The following EXOC4 variants were observed in gnomAD, a reference collection of about 807,000 sequenced individuals.
EXOC4 encodes the protein SEC8-like 1.
EXOC4 carries 71 observed loss-of-function variants against 107.2 expected under a neutral mutation model. That is an observed-to-expected ratio of 0.66 (90% CI 0.55 to 0.81). EXOC4 has a LOEUF of 0.81. Among genes scored for constraint, EXOC4 ranks in the 30% least tolerant of loss-of-function variants. EXOC4 has a pLI of 0.00. For synonymous variants in EXOC4, 456 were observed against 441.2 expected, an observed-to-expected ratio of 1.03 and a Z score of -0.42; for missense variants, 1,108 against 1,189.6, an observed-to-expected ratio of 0.93 and a Z score of 1.01.
intron 9 of EXOC4, among the ~76,000 whole-genome samples, chr7:133,507,258 A>G (rs1024884544): frequency 3.3e-5 from 5 of 152,132 alleles, no homozygotes; most frequent in Admixed American, 2.0e-4. Flanking sequence ...CTTATTTGGT[A>G]CTCTAAAAAA....
At chr7:134,080,410 TTTGTTGTTG>T in the EXOC4 span, among the ~76,000 whole-genome samples, 2 of 151,238 alleles carry the variant, frequency 1.3e-5, no homozygotes, top group African/African-American at 4.9e-5. Context: ...TATTAATAAG[TTTGTTGTTG>T]TTGTTGTTGT....
intron 14 of EXOC4, among the ~76,000 whole-genome samples, chr7:133,947,077 A>G (rs1013206707): frequency 1.3e-5 from 2 of 152,232 alleles, no homozygotes; most frequent in Non-Finnish European, 2.9e-5. Flanking sequence ...CCAGGGGGAA[A>G]CTATTTGGCC....
intron 9 of EXOC4, among the ~76,000 whole-genome samples, chr7:133,502,061 G>A (rs958603846): frequency 1.3e-5 from 2 of 152,072 alleles, no homozygotes; most frequent in African/African-American, 4.8e-5. Context: ...ATTAACACTC[G>A]AGGAAGCTTA....
intron 11 of EXOC4, among the ~76,000 whole-genome samples, chr7:133,858,006 T>C (rs930427066): frequency 5.3e-5 from 8 of 151,988 alleles, no homozygotes; most frequent in African/African-American, 2.4e-5. Flanking sequence ...AGGAGGGCTA[T>C]AGTGCTACAG....
intron 17 of EXOC4, among the ~76,000 whole-genome samples, chr7:134,023,033 T>C (rs1795062484): frequency 6.6e-6 from 1 of 152,212 alleles, no homozygotes; most frequent in South Asian, 2.1e-4. Flanking sequence ...TTTGAACTAT[T>C]ATTTATATTT....
chr7:134,074,526 T>G, the EXOC4 span, among the ~76,000 whole-genome samples: 1 of 152,228 alleles, frequency 6.6e-6, no homozygotes, highest in Non-Finnish European at 1.5e-5. Flanking sequence ...GGATAGAACC[T>G]GAGAGAGCTT....
intron 5 of EXOC4, among the ~76,000 whole-genome samples, chr7:133,326,661 C>G (rs1795249947): frequency 6.6e-6 from 1 of 152,194 alleles, no homozygotes; most frequent in Admixed American, 6.5e-5. Context: ...GGTCAGGGAC[C>G]CACTTGAGGG....
At chr7:134,081,136 G>T in the EXOC4 span, among the ~76,000 whole-genome samples, 2 of 151,964 alleles carry the variant, frequency 1.3e-5, no homozygotes, top group Non-Finnish European at 2.9e-5. Context: ...TGAGCTCAGG[G>T]GTTTGAGAGC....
At chr7:133,961,251 T>A (rs2116835716) in intron 14 of EXOC4, among the ~76,000 whole-genome samples, 1 of 151,810 alleles carries the variant, frequency 6.6e-6, no homozygotes, top group African/African-American at 2.4e-5. Context: ...CCTCTGACAC[T>A]TATTTAAACC....
intron 5 of EXOC4, among the ~76,000 whole-genome samples, chr7:133,345,791 T>G (rs1795771075): frequency 6.6e-6 from 1 of 152,226 alleles, no homozygotes; most frequent in African/African-American, 2.4e-5. Context: ...CCTCACTTCA[T>G]GGAAATGATA....
intron 10 of EXOC4, among the ~76,000 whole-genome samples, chr7:133,814,943 A>T (rs1423939759): frequency 6.6e-6 from 1 of 151,878 alleles, no homozygotes; most frequent in Admixed American, 6.6e-5. Context: ...TATTCATTTT[A>T]TGTTTTCATT....
At chr7:133,961,665 A>G (rs1379336925) in intron 14 of EXOC4, among the ~76,000 whole-genome samples, 3 of 152,204 alleles carry the variant, frequency 2.0e-5, no homozygotes, top group African/African-American at 7.2e-5. Context: ...GTACATGGTA[A>G]TGTCACAGCA....
At chr7:133,378,860 T>G (rs1361882215) in intron 7 of EXOC4, among the ~76,000 whole-genome samples, 1 of 151,964 alleles carries the variant, frequency 6.6e-6, no homozygotes, top group Non-Finnish European at 1.5e-5. Flanking sequence ...GATGATAGAC[T>G]TAGCACCAAC....
chr7:133,629,209 C>CT (rs113683701), intron 9 of EXOC4, among the ~76,000 whole-genome samples: 80 of 149,840 alleles, frequency 5.3e-4, no homozygotes, highest in African/African-American at 1.7e-3. Context: ...AATAGCAGGA[C>CT]TTTTTTTTTT....
intron 3 of EXOC4, among the ~76,000 whole-genome samples, chr7:133,300,638 A>G (rs1426214304): frequency 1.3e-5 from 2 of 152,174 alleles, no homozygotes; most frequent in African/African-American, 2.4e-5. Context: ...TGTCACATAC[A>G]TATATATTGT....
chr7:133,502,668 C>T (rs1344754392), intron 9 of EXOC4, among the ~76,000 whole-genome samples: 1 of 152,130 alleles, frequency 6.6e-6, no homozygotes, highest in East Asian at 1.9e-4. Context: ...GCTTAGGTGC[C>T]TGAGATAAGA....
intron 3 of EXOC4, among the ~76,000 whole-genome samples, chr7:133,304,847 G>A (rs1170975626): frequency 6.6e-6 from 1 of 152,154 alleles, no homozygotes; most frequent in Non-Finnish European, 1.5e-5. Flanking sequence ...GGAATATTTA[G>A]TATAACCAAA....
Position 133,922,946 on chromosome 7 carries a change from T to A in EXOC4, c.2027+5208T>A, listed in dbSNP as rs138427640. Among the ~76,000 whole-genome samples the A allele has an allele frequency of 2.4e-3, 364 of 151,984 alleles. 5 individuals carry two copies. Among genetic ancestry groups the A allele is most frequent in the African/African-American group, 8.2e-3 (340 of 41,438 alleles). ...TCATACATTCATCATTCTGCTGGGCTCTTGGAACTATTTCACATAGTGCTA... is the reference window on the plus strand; with the variant it reads ...TCATACATTCATCATTCTGCTGGGCACTTGGAACTATTTCACATAGTGCTA... On this transcript the variant is annotated intron_variant, in intron 13 of 17. Transcript: ENST00000253861.
downstream of EXOC4, among the ~76,000 whole-genome samples, chr7:134,066,910 T>G (rs927850672): frequency 6.6e-6 from 1 of 152,026 alleles, no homozygotes; most frequent in African/African-American, 2.4e-5. Context: ...CCCAGCACTT[T>G]GGGAGGCTGA....
Sources: allele counts gnomAD v4.1 joint callset (sites outside exome capture counted in the v4.1 genomes callset), GRCh38; gene constraint gnomAD v4.1.1; transcripts MANE v1.5; gene names NCBI Gene and HGNC (gene_info 2026-07-23, HGNC 2026-07-21).